Variants in CCDC88C observed in about 807,000 individuals in gnomAD.
CCDC88C encodes protein Daple.
In CCDC88C, 131 loss-of-function variants were observed where a neutral mutation model predicts 198.8. The ratio of observed to expected loss-of-function variants is 0.66; its 90% CI spans 0.57 to 0.76. The LOEUF is 0.76. Ranked by LOEUF, CCDC88C falls within the 30% of genes least tolerant of loss-of-function variation. The probability of loss-of-function intolerance (pLI) is 0.00; values close to 1 mark genes in which losing one functional copy is unlikely to be tolerated. For missense variants in CCDC88C, 2,553 were observed against 2,631.6 expected (o/e 0.97, Z 0.65); for synonymous variants, 1,166 against 1,114.7 (o/e 1.05, Z -0.92).
chr14:91,316,768 C>A (rs1892116576), intron 13 of CCDC88C, among the ~76,000 whole-genome samples: 1 of 152,194 alleles, frequency 6.6e-6, no homozygotes, highest in African/African-American at 2.4e-5. Context: ...TTTCCTGGGT[C>A]CTACCTACCC....
At chr14:91,358,315 G>A (rs1014167585) in intron 4 of CCDC88C, among the ~76,000 whole-genome samples, 10 of 152,148 alleles carry the variant, frequency 6.6e-5, no homozygotes, top group South Asian at 2.1e-4. Context: ...GAGGAAGCCC[G>A]AGTCCCTTTT....
Position 91,305,748 on chromosome 14 carries a change from T to G in CCDC88C, c.3357+17A>C, listed in dbSNP as rs1311229700. On this transcript the variant is annotated intron_variant, in intron 19 of 29. Transcript: ENST00000389857. ...CCCGCCAGGCTTGTGACCACTGGTG[T>G]TGGGAGCCCCGCTCACCTGCAGCTT... is the stretch of plus-strand genomic sequence containing the variant. 1 of 1,592,358 alleles carries G rather than the reference T, an allele frequency of 6.3e-7. No homozygotes were observed. The highest frequency in any genetic ancestry group is 8.6e-7 in the Non-Finnish European group (1 of 1,162,406).
chr14:91,286,911 T>C (rs1400854048), intron 25 of CCDC88C, among the ~76,000 whole-genome samples: 1 of 152,158 alleles, frequency 6.6e-6, no homozygotes, highest in Admixed American at 6.5e-5. Context: ...CCACCTGCCT[T>C]GATAGGGTCG....
intron 3 of CCDC88C, chr14:91,384,550 CTCTTAAAA>C: frequency 2.0e-6 from 1 of 492,216 alleles, no homozygotes; most frequent in Non-Finnish European, 4.1e-6. Context: ...ATCACCCCAT[CTCTTAAAA>C]ATAATAAACC....
intron 10 of CCDC88C, among the ~76,000 whole-genome samples, chr14:91,335,032 G>T (rs1212406965): frequency 6.6e-6 from 1 of 152,198 alleles, no homozygotes; most frequent in Non-Finnish European, 1.5e-5. Context: ...CACCAGCTCT[G>T]CAAATGCAGC....
intron 20 of CCDC88C, among the ~76,000 whole-genome samples, chr14:91,302,867 G>T (rs2139778739): frequency 6.6e-6 from 1 of 152,256 alleles, no homozygotes; most frequent in East Asian, 1.9e-4. Flanking sequence ...GAGCCGTGGA[G>T]AATTCCCTCC....
At chr14:91,329,816 C>T (rs182164499) in intron 10 of CCDC88C, among the ~76,000 whole-genome samples, 123 of 152,346 alleles carry the variant, frequency 8.1e-4, no homozygotes, top group Non-Finnish European at 1.4e-3. Flanking sequence ...GGGGAAAGCT[C>T]CACAGATACA....
chr14:91,319,611 C>A (rs1170027681), intron 13 of CCDC88C, among the ~76,000 whole-genome samples: 1 of 152,216 alleles, frequency 6.6e-6, no homozygotes, highest in Non-Finnish European at 1.5e-5. Flanking sequence ...GGTTCTTCTC[C>A]CTGGGTCCCT....
intron 24 of CCDC88C, 27 bp from the exon 25 acceptor site, chr14:91,289,370 T>TAGCC (rs746329173): frequency 1.9e-6 from 3 of 1,598,080 alleles, no homozygotes; most frequent in Non-Finnish European, 1.7e-6. Flanking sequence ...GTTTAGGACA[T>TAGCC]AGCCAGCCCT....
At chr14:91,348,456 C>T (rs888505219) in intron 4 of CCDC88C, among the ~76,000 whole-genome samples, 2 of 151,720 alleles carry the variant, frequency 1.3e-5, no homozygotes, top group African/African-American at 2.4e-5. Context: ...GTAGCCTGGG[C>T]GACAGAGCAA....
intron 2 of CCDC88C, among the ~76,000 whole-genome samples, chr14:91,409,341 A>AT (rs143581007): frequency 0.021 from 3,123 of 151,174 alleles, 98 homozygotes; most frequent in African/African-American, 0.072. Context: ...GGCCCAGCTA[A>AT]TTTTTTTTTA....
chr14:91,292,730 C>T (rs934123858), intron 23 of CCDC88C, among the ~76,000 whole-genome samples: 3 of 152,112 alleles, frequency 2.0e-5, no homozygotes, highest in Admixed American at 6.5e-5. Flanking sequence ...TTCCCGATCA[C>T]GTGGAAGGAC....
In CCDC88C at chr14:91,331,559, AAGAC is replaced by A. The variant is rs972920611; in HGVS notation, c.1051-5507_1051-5504del. Among the ~76,000 whole-genome samples, 128 of 150,162 alleles carry A rather than the reference AAGAC, an allele frequency of 8.5e-4. 1 individual carries two copies. Among genetic ancestry groups the A allele is most frequent in the African/African-American group, 3.4e-4 (14 of 41,070 alleles). ...GCGCGTGCGAGAGAGAGGAGAGAGAAAGACAGACACACATTCTAAGAATGATCAT... is the reference window on the plus strand; with the variant it reads ...GCGCGTGCGAGAGAGAGGAGAGAGAAAGACACACATTCTAAGAATGATCAT... On this transcript the variant is annotated intron_variant, in intron 10 of 29. Coordinates refer to ENST00000389857, the MANE Select transcript of CCDC88C (RefSeq NM_001080414.4).
chr14:91,378,834 C>G (rs1884613883), intron 3 of CCDC88C: 1 of 152,204 alleles, frequency 6.6e-6, no homozygotes, highest in Non-Finnish European at 1.5e-5. Context: ...TGTGTTTGGA[C>G]AGCTGTATAA....
At position 91,272,679 on chromosome 14, in the gene CCDC88C, G is replaced by A; in HGVS notation, c.6033C>T (p.Ser2011=). Residue 2011 remains serine, a synonymous_variant, in exon 30 of 30, where the codon TCC becomes TCT. Coordinates refer to ENST00000389857, the MANE Select transcript of CCDC88C (RefSeq NM_001080414.4). ...TCTGCGGATCCCCGCCGGGCTCCGGGGAGGCCGGACTGCTCTTTGAGACGC... is the reference window on the plus strand; with the variant it reads ...TCTGCGGATCCCCGCCGGGCTCCGGAGAGGCCGGACTGCTCTTTGAGACGC... ...RGSVSKSSPA[S]PEPGGDPQTV... The A allele has an allele frequency of 6.2e-7, 1 of 1,611,750 alleles. No homozygotes were observed. The highest frequency in any genetic ancestry group is 8.5e-7 in the Non-Finnish European group (1 of 1,179,880).
Position 91,339,570 on chromosome 14 carries a change from G to A in CCDC88C, c.625-108C>T. On this transcript the variant is annotated intron_variant, in intron 7 of 29. Coordinates refer to ENST00000389857, the MANE Select transcript of CCDC88C (RefSeq NM_001080414.4). This position sits in a 1 kb window ranked among gnomAD's most constrained non-coding sequence, Gnocchi z 5.8. ...CCGCCAAAAGACAGATATTTCAGCG[G>A]AGACTAAGAAACGAGGAGGAAGGTG... 1 of 1,121,398 alleles carries A rather than the reference G, an allele frequency of 8.9e-7. No individual in the cohort carries two copies. Among genetic ancestry groups the A allele is most frequent in the Non-Finnish European group, 1.3e-6 (1 of 796,592 alleles). 69.5% of individuals were successfully genotyped at this position (1,121,398 alleles called of 1,614,324 possible).
intron 6 of CCDC88C, among the ~76,000 whole-genome samples, chr14:91,340,426 T>G (rs951919576): frequency 2.0e-5 from 3 of 152,192 alleles, no homozygotes; most frequent in Admixed American, 1.3e-4. Flanking sequence ...AGCAAAAATA[T>G]TAATCTTATG....
intron 3 of CCDC88C, among the ~76,000 whole-genome samples, chr14:91,369,476 G>T (rs1331300043): frequency 2.0e-5 from 3 of 152,140 alleles, no homozygotes; most frequent in Non-Finnish European, 4.4e-5. Context: ...AAAGTGCTGG[G>T]ATCACAGGTG....
At chr14:91,373,283 C>G (rs1894912580) in intron 3 of CCDC88C, among the ~76,000 whole-genome samples, 1 of 152,164 alleles carries the variant, frequency 6.6e-6, no homozygotes, top group African/African-American at 2.4e-5. Context: ...CTCAAGAGAG[C>G]TGGCTTGGAC....
Sources: allele counts gnomAD v4.1 joint callset (sites outside exome capture counted in the v4.1 genomes callset), GRCh38; gene constraint gnomAD v4.1.1; non-coding constraint Gnocchi (gnomAD v3.1); transcripts MANE v1.5; gene names NCBI Gene and HGNC (gene_info 2026-07-23, HGNC 2026-07-21).